Variants in KL observed in about 807,000 individuals in gnomAD.
KL encodes alpha-klotho.
KL carries 62 observed loss-of-function variants against 84.2 expected under a neutral mutation model. The ratio of observed to expected loss-of-function variants is 0.74; its 90% CI spans 0.60 to 0.91. KL has a LOEUF of 0.91. Ranked by LOEUF, KL falls within the 40% of genes least tolerant of loss-of-function variation. KL has a pLI of 0.00. For missense variants in KL, 1,261 were observed against 1,305.7 expected (o/e 0.97, Z 0.53); for synonymous variants, 528 against 528.0 (o/e 1.00, Z 0.00).
chr13:33,054,398 G>A, intron 2 of KL, 121 bp downstream of exon 2: 9 of 1,077,686 alleles, frequency 8.4e-6, no homozygotes, highest in Non-Finnish European at 1.1e-5. Flanking sequence ...CATTCATTTT[G>A]GCAATAGTAG....
chr13:33,016,841 G>A lies in KL; in HGVS notation c.401G>A (p.Arg134His). 6.2e-7 allele frequency: 1 copy of A among 1,612,906 alleles called. No homozygotes were observed. Among genetic ancestry groups the A allele is most frequent in the Non-Finnish European group, 8.5e-7 (1 of 1,179,818 alleles). ...AGCGACAGCTACAACAACGTCTTCC[G>A]CGACACGGAGGCGCTGCGCGAGCTC... is the stretch of plus-strand genomic sequence containing the variant. The part of the protein sequence containing the change: ...VASDSYNNVF[R>H]DTEALRELGV... The change falls in exon 1 of 5, where the codon CGC becomes CAC. Residue 134 changes from arginine (R) to histidine (H), a missense_variant. Transcript: ENST00000380099.
rs1203634655 is a variant in KL, at chr13:33,055,067, G to T, written c.1351G>T (p.Asp451Tyr). 1.2e-6 allele frequency: 2 copies of T among 1,614,164 alleles called. No homozygotes were observed. The highest frequency in any genetic ancestry group is 1.7e-6 in the Non-Finnish European group (2 of 1,180,030). Reference sequence around the variant, plus strand: ...TGCAGCCATCAAGCTGGATGGGGTGGATGTCATCGGGTATACCGCATGGTC... The same window carrying T: ...TGCAGCCATCAAGCTGGATGGGGTGTATGTCATCGGGTATACCGCATGGTC... ...TLKAIKLDGV[D>Y]VIGYTAWSLM... The change falls in exon 3 of 5, where the codon GAT becomes TAT. Residue 451 changes from aspartate (D) to tyrosine (Y), a missense_variant. By Grantham distance (160) the Asp-to-Tyr change is radical (BLOSUM62 -3). Transcript: ENST00000380099.
Position 33,016,424 on chromosome 13 carries a change from C to T in KL, c.-17C>T. ...AGGGGCGCGGCGCGGGGCCCCGGAG[C>T]CTGGCTCCCGCGCAGCATGCCCGCC... On this transcript the variant is annotated 5_prime_UTR_variant, in exon 1 of 5. Coordinates refer to ENST00000380099, the MANE Select transcript of KL (RefSeq NM_004795.4). 2 of 943,628 alleles carry T rather than the reference C, an allele frequency of 2.1e-6. No individual in the cohort carries two copies. Among genetic ancestry groups the T allele is most frequent in the Non-Finnish European group, 2.5e-6 (2 of 795,892 alleles). The allele number at this position is 943,628 out of a possible 1,614,324, so 58.5% of individuals were successfully genotyped here. A position where few individuals can be genotyped will look rare whatever the true frequency, so the allele number is the denominator to read the frequency against.
chr13:33,045,400 T>G (rs547393871), intron 1 of KL, among the ~76,000 whole-genome samples: 147 of 152,242 alleles, frequency 9.7e-4, no homozygotes, highest in Non-Finnish European at 1.9e-3. Context: ...AAAGCAGGCA[T>G]CTTCCTTTCA....
chr13:33,053,956 T>C lies in KL; in HGVS notation c.1009T>C (p.Tyr337His), dbSNP rs1186742138. Residue 337 changes from tyrosine to histidine, a missense_variant, in exon 2 of 5, where the codon TAT becomes CAT. Coordinates refer to ENST00000380099, the MANE Select transcript of KL (RefSeq NM_004795.4). ...FAKPVFIDGD[Y>H]PESMKNNLSS... ...CAAACCCGTATTTATTGATGGTGACTATCCCGAGAGCATGAAGAATAACCT... is the reference window on the plus strand; with the variant it reads ...CAAACCCGTATTTATTGATGGTGACCATCCCGAGAGCATGAAGAATAACCT... 6.2e-7 allele frequency: 1 copy of C among 1,614,134 alleles called. No individual in the cohort carries two copies.
At chr13:33,058,814 T>G (rs1344443166) in intron 3 of KL, among the ~76,000 whole-genome samples, 1 of 152,158 alleles carries the variant, frequency 6.6e-6, no homozygotes, top group Non-Finnish European at 1.5e-5. Flanking sequence ...AAAAATTCCT[T>G]CAAACTCTGA....
At chr13:33,051,896 T>C (rs1334959313) in intron 1 of KL, among the ~76,000 whole-genome samples, 1 of 152,226 alleles carries the variant, frequency 6.6e-6, no homozygotes, top group Non-Finnish European at 1.5e-5. Context: ...AAGAGGTTAA[T>C]TGCTGAGTAC....
intron 1 of KL, among the ~76,000 whole-genome samples, chr13:33,019,415 T>A (rs1170975991): frequency 1.3e-5 from 2 of 152,164 alleles, no homozygotes; most frequent in African/African-American, 4.8e-5. Flanking sequence ...ATTGCTGCTG[T>A]ACAGATATAG....
In KL at chr13:33,061,156, A is replaced by C; in HGVS notation, c.2077A>C (p.Arg693=). 1 of 1,614,268 alleles carries C rather than the reference A, an allele frequency of 6.2e-7. No homozygotes were observed. The highest frequency in any genetic ancestry group is 8.5e-7 in the Non-Finnish European group (1 of 1,180,054). The change falls in exon 4 of 5, where the codon AGG becomes CGG. Residue 693 remains arginine, a synonymous_variant. Transcript: ENST00000380099. ...LWITMNEPYT[R]NMTYSAGHNL... is the part of the protein sequence containing the mutation. ...GATAACGATGAATGAGCCGTATACA[A>C]GGAATATGACATACAGTGCTGGCCA...
intron 1 of KL, among the ~76,000 whole-genome samples, chr13:33,018,608 C>G (rs1870456937): frequency 6.6e-6 from 1 of 152,184 alleles, no homozygotes; most frequent in African/African-American, 2.4e-5. Flanking sequence ...GATTCTTATA[C>G]TTTTTCAATC....
intron 3 of KL, 38 bp downstream of exon 3, chr13:33,055,353 A>C (rs1397687948): frequency 6.2e-7 from 1 of 1,613,800 alleles, no homozygotes; most frequent in Admixed American, 1.7e-5. Flanking sequence ...AGTCTCACCA[A>C]GCCCTATCAC....
chr13:33,050,793 A>G (rs1189347205), intron 1 of KL, among the ~76,000 whole-genome samples: 1 of 152,206 alleles, frequency 6.6e-6, no homozygotes, highest in Non-Finnish European at 1.5e-5. Context: ...TAATGCTGCA[A>G]GTGTATTCCT....
At chr13:33,057,209 C>T (rs956156336) in intron 3 of KL, among the ~76,000 whole-genome samples, 3 of 152,092 alleles carry the variant, frequency 2.0e-5, no homozygotes, top group Non-Finnish European at 4.4e-5. Context: ...CTGGCAGGTT[C>T]AGTCCTTTGT....
intron 1 of KL, among the ~76,000 whole-genome samples, chr13:33,031,813 A>T (rs996964937): frequency 1.3e-5 from 2 of 152,220 alleles, no homozygotes; most frequent in Non-Finnish European, 2.9e-5. Flanking sequence ...TGTTTTCATG[A>T]TAAGCCTTTG....
At chr13:33,049,997 T>G (rs1409403762) in intron 1 of KL, among the ~76,000 whole-genome samples, 1 of 152,230 alleles carries the variant, frequency 6.6e-6, no homozygotes, top group Non-Finnish European at 1.5e-5. Context: ...TTTATAACCT[T>G]TTTCTGTTCA....
intron 1 of KL, among the ~76,000 whole-genome samples, chr13:33,034,983 A>G (rs1014164778): frequency 2.0e-5 from 3 of 152,224 alleles, no homozygotes; most frequent in Non-Finnish European, 4.4e-5. Context: ...TTGATTTTCA[A>G]AATTGCTGAG....
At position 33,016,437 on chromosome 13, in the gene KL, C is replaced by T; in HGVS notation, c.-4C>T. 1 of 962,512 alleles carries T rather than the reference C, an allele frequency of 1.0e-6. No homozygotes were observed. Among genetic ancestry groups the T allele is most frequent in the Non-Finnish European group, 1.2e-6 (1 of 811,604 alleles). The allele number at this position is 962,512 out of a possible 1,614,324, so 59.6% of individuals were successfully genotyped here. The stretch of plus-strand genomic sequence containing the variant: ...GGGGCCCCGGAGCCTGGCTCCCGCG[C>T]AGCATGCCCGCCAGCGCCCCGCCGC... On this transcript the variant is annotated 5_prime_UTR_variant, in exon 1 of 5. Transcript: ENST00000380099.
intron 1 of KL, among the ~76,000 whole-genome samples, chr13:33,050,644 G>C (rs1255134339): frequency 6.6e-6 from 1 of 152,218 alleles, no homozygotes; most frequent in Non-Finnish European, 1.5e-5. Context: ...GGTCCATGGG[G>C]TTGCAGCGAT....
rs1870948629 is a variant in KL at position 33,030,917 on chromosome 13, T to C, written c.819+13658T>C. 2.0e-5 allele frequency among the ~76,000 whole-genome samples: 3 copies of C among 152,086 alleles called. No individual in the cohort carries two copies. In the East Asian group the frequency reaches 5.8e-4, roughly 29 times the overall value. On this transcript the variant is annotated intron_variant, in intron 1 of 4. Coordinates refer to ENST00000380099, the MANE Select transcript of KL (RefSeq NM_004795.4). ...GCAATGCTGTAAAAGTAGTACAAGA[T>C]GATAAAGAAATAGAACACATTTTTG...
Sources: allele counts gnomAD v4.1 joint callset (sites outside exome capture counted in the v4.1 genomes callset), GRCh38; gene constraint gnomAD v4.1.1; transcripts MANE v1.5; gene names NCBI Gene and HGNC (gene_info 2026-07-23, HGNC 2026-07-21).